The following CAPN3 variants were observed in gnomAD, a reference collection of about 807,000 sequenced individuals.
CAPN3 encodes the protein calpain 3, also known as calpain-3.
A neutral mutation model predicts 114.0 loss-of-function variants in CAPN3; 88 were observed. That is an observed-to-expected ratio of 0.77 (90% confidence interval 0.65 to 0.92). CAPN3 has a LOEUF of 0.92. Ranked by LOEUF, CAPN3 falls within the 40% of genes least tolerant of loss-of-function variation. The pLI is 0.00. For missense variants in CAPN3, 1,028 were observed against 1,069.0 expected (o/e 0.96, Z 0.53); for synonymous variants, 386 against 382.9 (o/e 1.01, Z -0.09).
At chr15:42,404,150 C>T (rs749881416) in intron 14 of CAPN3, 18 of 463,348 alleles carry the variant, frequency 3.9e-5, no homozygotes, top group East Asian at 1.3e-4. Context: ...AAGCTGGTGC[C>T]GGACCTGGTG....
chr15:42,409,516 G>A (rs2054138238), intron 17 of CAPN3, 136 bp downstream of exon 17: 1 of 955,630 alleles, frequency 1.0e-6, no homozygotes, highest in South Asian at 1.4e-5. Flanking sequence ...TGTGTGCGTA[G>A]CACACAAATC....
rs2141230272 is a variant in CAPN3 at position 42,411,727 on chromosome 15, G to C, written c.2440-20G>C. ...GTCACTCTTTTCTGATCTACATTCTGATCTTGGGACTTCTTTCAGTGGCTG... is the reference window on the plus strand; with the variant it reads ...GTCACTCTTTTCTGATCTACATTCTCATCTTGGGACTTCTTTCAGTGGCTG... On this transcript the variant is annotated intron_variant, in intron 23 of 23. Coordinates refer to ENST00000397163, the MANE Select transcript of CAPN3 (RefSeq NM_000070.3). 9.8e-7 allele frequency: 1 copy of C among 1,024,328 alleles called. No homozygotes were observed. Among genetic ancestry groups the C allele is most frequent in the South Asian group, 1.3e-5 (1 of 79,546 alleles). 63.5% of individuals were successfully genotyped at this position (1,024,328 alleles called of 1,614,324 possible). A position where few individuals can be genotyped will look rare whatever the true frequency, so the allele number is the denominator to read the frequency against.
intron 1 of CAPN3, among the ~76,000 whole-genome samples, chr15:42,372,051 A>G (rs1258113692): frequency 2.6e-5 from 4 of 152,270 alleles, no homozygotes; most frequent in East Asian, 1.9e-4. Context: ...TATGGGAAGA[A>G]TACACATCTT....
chr15:42,389,537 C>G (rs2053496155), intron 5 of CAPN3, among the ~76,000 whole-genome samples: 1 of 152,232 alleles, frequency 6.6e-6, no homozygotes, highest in African/African-American at 2.4e-5. Context: ...AAGCCTGCAG[C>G]ACCTTTCAGT....
At chr15:42,398,668 T>TAC (rs572662062) in intron 9 of CAPN3, among the ~76,000 whole-genome samples, 108 of 142,752 alleles carry the variant, frequency 7.6e-4, no homozygotes, top group Non-Finnish European at 1.4e-3. Flanking sequence ...CACACACATA[T>TAC]ACACACACAC....
intron 6 of CAPN3, 76 bp downstream of exon 6, chr15:42,390,172 C>T: frequency 6.5e-7 from 1 of 1,542,692 alleles, no homozygotes; most frequent in South Asian, 1.1e-5. Context: ...GTCAGACTCC[C>T]CTCAGCAGCC....
chr15:42,402,471 C>T lies in CAPN3; in HGVS notation c.1537-323C>T, dbSNP rs553114953. ...CTGCCCGCTTGGGATGGAGGAATCA[C>T]TTCCCTCAGAACCCAGCCAAGTCCT... is the stretch of plus-strand genomic sequence containing the variant. On this transcript the variant is annotated intron_variant, in intron 12 of 23. Transcript: ENST00000397163. 6.8e-5 allele frequency: 97 copies of T among 1,427,018 alleles called. 2 individuals are homozygous for T. The African/African-American group carries it at 1.1e-3, about 16-fold the overall frequency. The allele number at this position is 1,427,018 out of a possible 1,614,324, so 88.4% of individuals were successfully genotyped here.
Position 42,403,937 on chromosome 15 carries a change from A to G in CAPN3, c.1782+160A>G, listed in dbSNP as rs560593326. On this transcript the variant is annotated intron_variant, in intron 14 of 23. Transcript: ENST00000397163. ...TTGGCACTGCAAATCCTACTTTGGC[A>G]TGGCCAGAAGTAATCGGCCTTAAGC... The G allele has an allele frequency of 3.7e-5, 28 of 757,826 alleles. No individual in the cohort carries two copies. The African/African-American group carries it at 3.7e-4, about 10-fold the overall frequency. The allele number at this position is 757,826 out of a possible 1,614,324, so 46.9% of individuals were successfully genotyped here.
At chr15:42,396,534 G>A (rs1432201154) in intron 8 of CAPN3, among the ~76,000 whole-genome samples, 1 of 152,010 alleles carries the variant, frequency 6.6e-6, no homozygotes, top group Non-Finnish European at 1.5e-5. Flanking sequence ...GCCATTGCGA[G>A]CAGCCCAGAA....
chr15:42,402,397 C>G, intron 12 of CAPN3: 2 of 1,444,594 alleles, frequency 1.4e-6, no homozygotes, highest in Non-Finnish European at 1.8e-6. Context: ...TCACCCTCCT[C>G]CACGCTTACA....
intron 15 of CAPN3, 55 bp downstream of exon 15, chr15:42,405,998 A>C: frequency 1.3e-6 from 2 of 1,485,422 alleles, no homozygotes. Flanking sequence ...ATGTATGTGC[A>C]TGCATGTGAA....
At position 42,409,932 on chromosome 15, in the gene CAPN3, C is replaced by T; in HGVS notation, c.2052C>T (p.His684=). The T allele has an allele frequency of 6.2e-7, 1 of 1,612,546 alleles. No homozygotes were observed. The highest frequency in any genetic ancestry group is 1.1e-5 in the South Asian group (1 of 91,014). Reference sequence around the variant, plus strand: ...CCTCACTCTTCTCCATCCCCCCAGACAAGGACCTGAAGACACACGGGTTCA... The same window carrying T: ...CCTCACTCTTCTCCATCCCCCCAGATAAGGACCTGAAGACACACGGGTTCA... ...KKVLNTVVNK[H]KDLKTHGFTL... is the part of the protein sequence containing the mutation. The change falls in exon 19 of 24, where the codon CAC becomes CAT. Residue 684 remains histidine, a splice_region_variant and synonymous_variant. Transcript: ENST00000397163.
intron 6 of CAPN3, 47 bp downstream of exon 6, chr15:42,390,143 A>C (rs200460321): frequency 2.5e-6 from 4 of 1,609,416 alleles, no homozygotes; most frequent in Non-Finnish European, 3.4e-6. Context: ...TCCAACCCAC[A>C]TGACCCCGCC....
At chr15:42,383,545 C>T (rs957053791) in intron 1 of CAPN3, among the ~76,000 whole-genome samples, 39 of 152,086 alleles carry the variant, frequency 2.6e-4, no homozygotes, top group African/African-American at 9.2e-4. Context: ...GCCGAGATCG[C>T]GCCACTGTAC....
rs753483799 is a variant in CAPN3 at position 42,394,370 on chromosome 15, G to A, written c.1115+29G>A. On this transcript the variant is annotated intron_variant, in intron 8 of 23. Transcript: ENST00000397163. Reference sequence around the variant, plus strand: ...GGTGAGGGGACCCCACGGGATTGGCGGTGGCGGGGAACAGGGTCCGGGACA... The same window carrying A: ...GGTGAGGGGACCCCACGGGATTGGCAGTGGCGGGGAACAGGGTCCGGGACA... 69 of 1,524,522 alleles carry A rather than the reference G, an allele frequency of 4.5e-5. 2 individuals are homozygous for A. Among genetic ancestry groups the A allele is most frequent in the African/African-American group, 3.0e-4 (22 of 72,622 alleles). 94.4% of individuals were successfully genotyped at this position (1,524,522 alleles called of 1,614,324 possible).
chr15:42,400,815 G>T (rs536558434), intron 10 of CAPN3, among the ~76,000 whole-genome samples: 18 of 152,160 alleles, frequency 1.2e-4, no homozygotes, highest in Non-Finnish European at 2.5e-4. Context: ...GAGTGTCCCA[G>T]TGAAGATTTG....
chr15:42,410,797 C>T, intron 21 of CAPN3, 87 bp from the exon 22 acceptor site: 1 of 1,383,238 alleles, frequency 7.2e-7, no homozygotes, highest in Non-Finnish European at 1.0e-6. Flanking sequence ...CTTCCCAGGT[C>T]ACAGAGTGGC....
At chr15:42,389,892 C>T (rs926310716) in intron 5 of CAPN3, 61 bp from the exon 6 acceptor site, 2 of 1,572,480 alleles carry the variant, frequency 1.3e-6, no homozygotes, top group African/African-American at 1.3e-5. Flanking sequence ...CCCTTTCCAC[C>T]CTTCTGTGTT....
intron 5 of CAPN3, 79 bp downstream of exon 5, chr15:42,389,175 G>C: frequency 7.3e-7 from 1 of 1,363,176 alleles, no homozygotes; most frequent in Non-Finnish European, 1.0e-6. Context: ...GCAGCATAGA[G>C]CTTTTGTGTG....
Sources: allele counts gnomAD v4.1 joint callset (sites outside exome capture counted in the v4.1 genomes callset), GRCh38; gene constraint gnomAD v4.1.1; transcripts MANE v1.5; gene names NCBI Gene and HGNC (gene_info 2026-07-23, HGNC 2026-07-21).